Variants in LRRC4C observed in about 807,000 individuals in gnomAD.
LRRC4C encodes the protein leucine-rich repeat-containing protein 4C.
In LRRC4C, 5 loss-of-function variants were observed where a neutral mutation model predicts 33.6. The observed-to-expected ratio is 0.15, with a 90% confidence interval of 0.08 to 0.31. The LOEUF is 0.31. Among genes scored for constraint, LRRC4C ranks in the 10% least tolerant of loss-of-function variants. The pLI is 1.00. For synonymous variants in LRRC4C, 329 were observed against 302.0 expected (o/e 1.09, Z -0.93); for missense variants, 560 against 796.7 (o/e 0.70, Z 3.58).
chr11:40,821,894 A>G (rs567859453), intron 2 of LRRC4C, among the ~76,000 whole-genome samples: 14 of 151,786 alleles, frequency 9.2e-5, no homozygotes, highest in African/African-American at 3.1e-4. Context: ...TTGATTTGTA[A>G]TAGTTAGACA....
chr11:40,431,838 G>T (rs533231245), intron 3 of LRRC4C, among the ~76,000 whole-genome samples: 2 of 152,206 alleles, frequency 1.3e-5, no homozygotes, highest in African/African-American at 4.8e-5. Flanking sequence ...GGTCTACTAC[G>T]CAGGACTTTC....
chr11:40,335,633 T>C (rs1946563223), intron 3 of LRRC4C, among the ~76,000 whole-genome samples: 1 of 152,234 alleles, frequency 6.6e-6, no homozygotes, highest in Non-Finnish European at 1.5e-5. Context: ...GGTGAATTTC[T>C]TTTTCACCGT....
chr11:40,508,568 A>G (rs1955154022), intron 3 of LRRC4C, among the ~76,000 whole-genome samples: 1 of 152,162 alleles, frequency 6.6e-6, no homozygotes, highest in South Asian at 2.1e-4. Flanking sequence ...TCTCATCTTT[A>G]TCCAAAAGGG....
At chr11:41,125,492 T>C (rs1440422816) in intron 1 of LRRC4C, among the ~76,000 whole-genome samples, 1 of 152,250 alleles carries the variant, frequency 6.6e-6, no homozygotes, top group Non-Finnish European at 1.5e-5. Flanking sequence ...TGTATGTTTT[T>C]TAATGATAAG....
chr11:41,014,355 G>A (rs1855427199), intron 1 of LRRC4C, among the ~76,000 whole-genome samples: 1 of 152,104 alleles, frequency 6.6e-6, no homozygotes, highest in African/African-American at 2.4e-5. Flanking sequence ...TCCAACCCAG[G>A]TCTAGTTGCC....
At chr11:40,346,636 C>T (rs187901788) in intron 3 of LRRC4C, among the ~76,000 whole-genome samples, 6 of 152,222 alleles carry the variant, frequency 3.9e-5, no homozygotes, top group African/African-American at 1.4e-4. Flanking sequence ...ATAATCTGTA[C>T]AACAAATCCC....
At chr11:41,052,278 C>G (rs893548317) in intron 1 of LRRC4C, among the ~76,000 whole-genome samples, 2 of 152,102 alleles carry the variant, frequency 1.3e-5, no homozygotes, top group African/African-American at 2.4e-5. Flanking sequence ...GGAAGAGATA[C>G]AAGTCCTTCA....
chr11:40,147,294 G>A (rs955319416), intron 5 of LRRC4C, among the ~76,000 whole-genome samples: 1 of 151,958 alleles, frequency 6.6e-6, no homozygotes, highest in African/African-American at 2.4e-5. Context: ...TACGACTTTG[G>A]GAAATTTTTC....
chr11:40,289,455 G>A (rs141707037), intron 4 of LRRC4C, among the ~76,000 whole-genome samples: 29 of 152,248 alleles, frequency 1.9e-4, no homozygotes, highest in African/African-American at 6.7e-4. Context: ...ATTTGAAAAC[G>A]TAACTTTAAA....
chr11:41,144,071 G>T (rs1590740419), intron 1 of LRRC4C, among the ~76,000 whole-genome samples: 1 of 152,166 alleles, frequency 6.6e-6, no homozygotes, highest in East Asian at 1.9e-4. Flanking sequence ...GATGGCCAGG[G>T]ACATTTTTGC....
Position 40,313,771 on chromosome 11 carries a change from C to T in LRRC4C, c.-176+5857G>A, listed in dbSNP as rs1161803878. ...TACAGGCGCCCGCCATCATGCCTGG[C>T]TATTTTTTTTTATTTTTAATTTTTA... is the stretch of plus-strand genomic sequence containing the variant. On this transcript the variant is annotated intron_variant, in intron 4 of 6. Transcript: ENST00000528697. Among the ~76,000 whole-genome samples the T allele has an allele frequency of 3.7e-3, 50 of 13,334 alleles. No homozygotes were observed. The Admixed American group carries it at 0.058, about 15-fold the overall frequency. The allele number at this position is 13,334 out of a possible 152,430, so 8.7% of individuals were successfully genotyped here. A position where few individuals can be genotyped will look rare whatever the true frequency, so the allele number is the denominator to read the frequency against.
chr11:40,866,535 AG>A (rs1417742639), intron 2 of LRRC4C, among the ~76,000 whole-genome samples: 1 of 152,112 alleles, frequency 6.6e-6, no homozygotes, highest in Non-Finnish European at 1.5e-5. Flanking sequence ...CCAAGCAGGA[AG>A]ATAACTTGAC....
intron 3 of LRRC4C, among the ~76,000 whole-genome samples, chr11:40,428,435 A>G (rs907786082): frequency 6.6e-6 from 1 of 152,222 alleles, no homozygotes; most frequent in Admixed American, 6.5e-5. Context: ...TCTAAGCTCT[A>G]TCTCTGACAT....
intron 1 of LRRC4C, among the ~76,000 whole-genome samples, chr11:40,985,124 C>T (rs1452001539): frequency 2.0e-5 from 3 of 151,760 alleles, no homozygotes; most frequent in Non-Finnish European, 4.4e-5. Flanking sequence ...TTCTGTGTGG[C>T]TTGTTCATAC....
At chr11:40,803,736 G>T (rs925359434) in intron 2 of LRRC4C, among the ~76,000 whole-genome samples, 1 of 152,068 alleles carries the variant, frequency 6.6e-6, no homozygotes, top group Non-Finnish European at 1.5e-5. Context: ...GCCTCCCAAA[G>T]TGCTGGGATT....
chr11:41,443,066 T>C (rs917335609), intron 1 of LRRC4C, among the ~76,000 whole-genome samples: 3 of 150,212 alleles, frequency 2.0e-5, no homozygotes, highest in African/African-American at 7.3e-5. Context: ...ATTTATTTAT[T>C]TATTTATTTT....
At chr11:41,420,703 C>T (rs955736743) in intron 1 of LRRC4C, among the ~76,000 whole-genome samples, 3 of 151,916 alleles carry the variant, frequency 2.0e-5, no homozygotes, top group African/African-American at 7.2e-5. Context: ...AATCATGGCC[C>T]CACTAATTAC....
chr11:40,936,065 T>TATATATGTATATATATATATAA (rs1555008817), intron 1 of LRRC4C, among the ~76,000 whole-genome samples: 1 of 75,822 alleles, frequency 1.3e-5, no homozygotes, highest in Non-Finnish European at 2.8e-5. Context: ...TATATATATA[T>TATATATGTATATATATATATAA]AACATAGTTT....
intron 2 of LRRC4C, among the ~76,000 whole-genome samples, chr11:40,892,916 T>C (rs796631046): frequency 2.0e-4 from 30 of 152,302 alleles, no homozygotes; most frequent in African/African-American, 7.2e-4. Flanking sequence ...TGTACATTTA[T>C]GAATGGTTAA....
Sources: allele counts gnomAD v4.1 joint callset (sites outside exome capture counted in the v4.1 genomes callset), GRCh38; gene constraint gnomAD v4.1.1; transcripts MANE v1.5; gene names NCBI Gene and HGNC (gene_info 2026-07-23, HGNC 2026-07-21).